The following ANK3 variants were observed in gnomAD, a reference collection of about 807,000 sequenced individuals.
ANK3 encodes ankyrin 3.
Under a neutral mutation model 370.9 loss-of-function variants are expected in ANK3, and 57 were observed. The ratio of observed to expected loss-of-function variants is 0.15; its 90% CI spans 0.12 to 0.19. The LOEUF is 0.19. Among genes scored for constraint, ANK3 ranks in the 10% least tolerant of loss-of-function variants. The pLI is 1.00. For synonymous variants in ANK3, 1,929 were observed against 1,946.3 expected (o/e 0.99, Z 0.23); for missense variants, 4,439 against 5,302.1 (o/e 0.84, Z 5.06).
chr10:60,526,877 C>T (rs1473152252), intron 2 of ANK3, among the ~76,000 whole-genome samples: 11 of 152,082 alleles, frequency 7.2e-5, no homozygotes, highest in Non-Finnish European at 1.3e-4. Context: ...CTCCAAACCC[C>T]AAATCTCACT....
At position 60,102,719 on chromosome 10, in the gene ANK3, A is replaced by G. The variant is rs78290995; in HGVS notation, c.3328+3186T>C. ...ATAAATCAGAATATTTGCTAAGATG[A>G]TTTTTAAATACTTGAGTTTTAAGAT... On this transcript the variant is annotated intron_variant, in intron 28 of 43. Coordinates refer to ENST00000280772, the MANE Select transcript of ANK3 (RefSeq NM_020987.5). 4.6e-3 allele frequency among the ~76,000 whole-genome samples: 696 copies of G among 152,338 alleles called. 2 individuals carry two copies. The highest frequency in any genetic ancestry group is 0.016 in the African/African-American group (658 of 41,572).
At chr10:60,345,249 A>G (rs2055180945) in intron 1 of ANK3, among the ~76,000 whole-genome samples, 1 of 152,154 alleles carries the variant, frequency 6.6e-6, no homozygotes, top group Admixed American at 6.6e-5. Flanking sequence ...ACCTCCCAGC[A>G]CAATTTATCA....
rs78293792 is a variant in ANK3, at chr10:60,461,700, C to T, written c.96+153486G>A. Among the ~76,000 whole-genome samples, 1,447 of 152,212 alleles carry T rather than the reference C, an allele frequency of 9.5e-3. 16 individuals are homozygous for T. Among genetic ancestry groups the T allele is most frequent in the Non-Finnish European group, 0.012 (836 of 68,008 alleles). ...CAAGACAATATAACTATTATTTGAA[C>T]GGCTTAGTATCAGGAAAAGTGTTTG... is the stretch of plus-strand genomic sequence containing the variant. On this transcript the variant is annotated intron_variant, in intron 2 of 43. Transcript: ENST00000373827.
chr10:60,205,744 C>G (rs200225535), intron 11 of ANK3, 48 bp downstream of exon 11: 9 of 1,388,544 alleles, frequency 6.5e-6, no homozygotes, highest in Admixed American at 5.0e-5. Flanking sequence ...GCTGCTAAGG[C>G]TATACTCTCA....
At chr10:60,532,795 A>G (rs112922975) in intron 2 of ANK3, among the ~76,000 whole-genome samples, 2,582 of 152,218 alleles carry the variant, frequency 0.017, 45 homozygotes, top group Middle Eastern at 0.027. Flanking sequence ...ATGTTGCTAT[A>G]ACTGAAGATG....
In ANK3 at chr10:60,154,746, GATC is replaced by G. The variant is rs757032164; in HGVS notation, c.2614+11842_2614+11844del. Among the ~76,000 whole-genome samples the G allele has an allele frequency of 3.3e-5, 5 of 152,336 alleles. 1 individual carries two copies. In the East Asian group the frequency reaches 9.6e-4, roughly 29 times the overall value. On this transcript the variant is annotated intron_variant, in intron 23 of 43. Coordinates refer to ENST00000280772, the MANE Select transcript of ANK3 (RefSeq NM_020987.5). ...GGAGGCGGAAGTTACAGTGAGCCGAGATCATGCCACTGCACTCCAGCCTGGGCA... is the reference window on the plus strand; with the variant it reads ...GGAGGCGGAAGTTACAGTGAGCCGAGATGCCACTGCACTCCAGCCTGGGCA...
At chr10:60,530,390 G>A (rs916163816) in intron 2 of ANK3, among the ~76,000 whole-genome samples, 6 of 151,350 alleles carry the variant, frequency 4.0e-5, no homozygotes, top group African/African-American at 7.3e-5. Flanking sequence ...TATAACAGGC[G>A]AGGCACTTCT....
chr10:60,100,304 T>G (rs577271584), intron 28 of ANK3, among the ~76,000 whole-genome samples: 5 of 149,240 alleles, frequency 3.4e-5, no homozygotes, highest in East Asian at 2.0e-4. Context: ...TTTTATTCTC[T>G]CCTTGGGAAT....
At chr10:60,416,874 G>A (rs10821758) in intron 2 of ANK3, among the ~76,000 whole-genome samples, 55,273 of 151,934 alleles carry the variant, frequency 0.36, 10,392 homozygotes, top group Middle Eastern at 0.43. Flanking sequence ...CCATGAAACC[G>A]TACACTTAAA....
intron 43 of ANK3, among the ~76,000 whole-genome samples, chr10:60,041,959 A>G (rs34136224): frequency 0.69 from 105,263 of 151,790 alleles, 36,573 homozygotes; most frequent in East Asian, 0.78. Context: ...GTGGTGAACT[A>G]AAGGAAGTGA....
intron 1 of ANK3, among the ~76,000 whole-genome samples, chr10:60,286,641 T>A (rs904496529): frequency 2.7e-4 from 41 of 152,316 alleles, no homozygotes; most frequent in African/African-American, 9.6e-4. Context: ...TTATTCAGCT[T>A]TACTAGTTAA....
intron 10 of ANK3, 145 bp downstream of exon 10, chr10:60,207,891 T>C: frequency 1.4e-6 from 1 of 735,778 alleles, no homozygotes; most frequent in Non-Finnish European, 2.2e-6. Context: ...TAGACTTTCC[T>C]GAAGGATATT....
chr10:60,705,189 C>CT (rs1320436950), intron 1 of ANK3, among the ~76,000 whole-genome samples: 2 of 152,020 alleles, frequency 1.3e-5, no homozygotes, highest in African/African-American at 4.8e-5. Flanking sequence ...AGTCTGTTGT[C>CT]TTTTGAGTTA....
intron 1 of ANK3, among the ~76,000 whole-genome samples, chr10:60,724,157 C>T (rs1389437659): frequency 3.9e-5 from 5 of 129,800 alleles, no homozygotes; most frequent in African/African-American, 1.4e-4. Flanking sequence ...TTGCAGTGAG[C>T]CGAGATCGCG....
intron 13 of ANK3, among the ~76,000 whole-genome samples, chr10:60,199,141 G>A (rs1275425673): frequency 6.6e-6 from 1 of 152,152 alleles, no homozygotes; most frequent in Non-Finnish European, 1.5e-5. Flanking sequence ...AAGGGCAGGA[G>A]GTACTCACCA....
chr10:60,344,620 G>A lies in ANK3; in HGVS notation c.114+44805C>T, dbSNP rs144331856. Among the ~76,000 whole-genome samples, 783 of 151,184 alleles carry A rather than the reference G, an allele frequency of 5.2e-3. 3 individuals are homozygous for A. The highest frequency in any genetic ancestry group is 0.012 in the South Asian group (55 of 4,682). ...CCTCCTGAAAATATCTTTCATATTTGTTATTGGCACTAGGTACACAACTTC... is the reference window on the plus strand; with the variant it reads ...CCTCCTGAAAATATCTTTCATATTTATTATTGGCACTAGGTACACAACTTC... On this transcript the variant is annotated intron_variant, in intron 1 of 43. Coordinates refer to ENST00000280772, the MANE Select transcript of ANK3 (RefSeq NM_020987.5).
rs569305116 is a variant in ANK3 at position 60,292,445 on chromosome 10, T to A, written c.115-12806A>T. Among the ~76,000 whole-genome samples the A allele has an allele frequency of 2.6e-5, 4 of 152,228 alleles. No homozygotes were observed. The South Asian group carries it at 8.3e-4, about 32-fold the overall frequency. The stretch of plus-strand genomic sequence containing the variant: ...CAGCCCTGGAGAATTTTTTTTTTCT[T>A]AATACACGCTAATGGAATGTTAATA... On this transcript the variant is annotated intron_variant, in intron 1 of 43. Transcript: ENST00000280772.
At chr10:60,597,866 C>T (rs946930017) in intron 2 of ANK3, among the ~76,000 whole-genome samples, 2 of 152,094 alleles carry the variant, frequency 1.3e-5, no homozygotes, top group Admixed American at 6.6e-5. Flanking sequence ...AGGACTGAAG[C>T]AATTTTACAT....
intron 1 of ANK3, among the ~76,000 whole-genome samples, chr10:60,657,566 T>C (rs1396734543): frequency 7.2e-5 from 11 of 152,192 alleles, no homozygotes; most frequent in African/African-American, 1.9e-4. Flanking sequence ...TTTTATTTTA[T>C]TGTGGCCAGA....
Sources: gnomAD v4.1 joint callset for allele counts (sites outside exome capture counted in the v4.1 genomes callset) on GRCh38, gnomAD v4.1.1 for gene constraint, MANE v1.5 for transcripts, NCBI Gene and HGNC (gene_info 2026-07-23, HGNC 2026-07-21) for gene names.